Variants in PUM2 observed in about 807,000 individuals in gnomAD.
PUM2 encodes pumilio homolog 2.
PUM2 carries 57 observed loss-of-function variants against 124.5 expected under a neutral mutation model. The observed-to-expected ratio is 0.46, with a 90% CI of 0.37 to 0.57. PUM2 has a LOEUF of 0.57. PUM2 is among the 20% of genes least tolerant of loss of function. The pLI, the probability that PUM2 is intolerant of heterozygous loss-of-function variation, is 0.00. For missense variants in PUM2, 1,065 were observed against 1,290.6 expected (o/e 0.83, Z 2.68); for synonymous variants, 460 against 446.1 (o/e 1.03, Z -0.39).
chr2:20,311,154 GAAAA>G (rs879592312), intron 5 of PUM2, among the ~76,000 whole-genome samples: 2 of 144,746 alleles, frequency 1.4e-5, no homozygotes, highest in Non-Finnish European at 1.5e-5. Context: ...CCCAAGAGGG[GAAAA>G]AAAAAAATCA....
intron 16 of PUM2, 81 bp from the exon 17 acceptor site, chr2:20,256,251 A>G (rs1238414980): frequency 7.8e-7 from 1 of 1,284,866 alleles, no homozygotes; most frequent in Non-Finnish European, 1.0e-6. Flanking sequence ...TTAAAAATTA[A>G]AAATATTAAA....
Position 20,254,858 on chromosome 2 carries a change from A to G in PUM2, c.2870+5T>C, listed in dbSNP as rs769755019. On this transcript the variant is annotated splice_donor_5th_base_variant and intron_variant, in intron 19 of 20. Transcript: ENST00000361078. ...GACCCTTAAAATTACAAAGTATTAC[A>G]ATACCTGGCAAATTTGTGTTGACTC... 25 of 1,612,218 alleles carry G rather than the reference A, an allele frequency of 1.6e-5. No individual in the cohort carries two copies. Among genetic ancestry groups the G allele is most frequent in the Non-Finnish European group, 2.0e-5 (23 of 1,179,346 alleles).
intron 7 of PUM2, among the ~76,000 whole-genome samples, chr2:20,298,222 A>C (rs1676100814): frequency 6.6e-6 from 1 of 152,212 alleles, no homozygotes; most frequent in African/African-American, 2.4e-5. Context: ...AACATCTAAT[A>C]AACTTTGGAA....
chr2:20,344,315 GCCACGGCCT>G (rs1219646108), intron 1 of PUM2, among the ~76,000 whole-genome samples: 14 of 152,294 alleles, frequency 9.2e-5, no homozygotes, highest in Admixed American at 9.2e-4. Context: ...CAGTCCACCT[GCCACGGCCT>G]CCCAAAGCGT....
intron 13 of PUM2, among the ~76,000 whole-genome samples, chr2:20,275,387 A>G (rs1670008723): frequency 6.6e-6 from 1 of 152,098 alleles, no homozygotes; most frequent in Non-Finnish European, 1.5e-5. Flanking sequence ...AAAGGAAAGA[A>G]TCTTGCATTA....
Position 20,312,104 on chromosome 2 carries a change from A to T in PUM2, c.348+132T>A, listed in dbSNP as rs182796163. The stretch of plus-strand genomic sequence containing the variant: ...TTTTCAAGTGGCTAAGCAGAAGAAT[A>T]GCAATAATAGTTACAAAATTTCTCT... On this transcript the variant is annotated intron_variant, in intron 4 of 20. Transcript: ENST00000361078. The T allele has an allele frequency of 1.2e-4, 91 of 772,724 alleles. No individual in the cohort carries two copies. In the East Asian group the frequency reaches 2.4e-3, roughly 21 times the overall value. 47.9% of individuals were successfully genotyped at this position (772,724 alleles called of 1,614,324 possible).
chr2:20,260,555 T>C (rs772789849), intron 14 of PUM2, 89 bp from the exon 15 acceptor site: 14 of 1,161,838 alleles, frequency 1.2e-5, no homozygotes, highest in Non-Finnish European at 1.5e-5. Flanking sequence ...GCACTGCAAG[T>C]TATTTCCATA....
At chr2:20,325,558 T>C (rs928604315) in intron 2 of PUM2, among the ~76,000 whole-genome samples, 1 of 151,402 alleles carries the variant, frequency 6.6e-6, no homozygotes. Flanking sequence ...AAAACATATA[T>C]ACAATATACA....
intron 2 of PUM2, among the ~76,000 whole-genome samples, chr2:20,322,304 T>C (rs921662799): frequency 6.6e-6 from 1 of 152,004 alleles, no homozygotes; most frequent in Non-Finnish European, 1.5e-5. Context: ...AAAACTAAGT[T>C]GTAACAGGGA....
intron 15 of PUM2, among the ~76,000 whole-genome samples, chr2:20,258,858 G>A (rs1207178492): frequency 3.3e-5 from 5 of 150,736 alleles, no homozygotes; most frequent in South Asian, 2.1e-4. Context: ...TAGTAGAGAC[G>A]GGGTTTCACC....
At chr2:20,333,577 A>C (rs778392711) in intron 1 of PUM2, among the ~76,000 whole-genome samples, 1 of 152,160 alleles carries the variant, frequency 6.6e-6, no homozygotes, top group Non-Finnish European at 1.5e-5. Flanking sequence ...TTGTGTAAAG[A>C]AGCAAGAAAA....
chr2:20,315,001 A>G (rs1680530879), intron 3 of PUM2, among the ~76,000 whole-genome samples: 1 of 151,008 alleles, frequency 6.6e-6, no homozygotes, highest in Non-Finnish European at 1.5e-5. Flanking sequence ...CAAAAGTACG[A>G]AAGATGGGCA....
chr2:20,331,830 C>T (rs955563352), intron 1 of PUM2: 2 of 152,136 alleles, frequency 1.3e-5, no homozygotes, highest in Non-Finnish European at 2.9e-5. Flanking sequence ...TCCATTCTTA[C>T]TGTTGGGATA....
chr2:20,264,357 AAAAAAAAAAAATATAT>A (rs1331917548), intron 13 of PUM2, among the ~76,000 whole-genome samples: 11 of 71,204 alleles, frequency 1.5e-4, no homozygotes, highest in African/African-American at 5.7e-4. Context: ...AAAAAAAAAA[AAAAAAAAAAAATATAT>A]ATATATATAT....
chr2:20,337,277 T>A (rs1686322786), intron 1 of PUM2, among the ~76,000 whole-genome samples: 1 of 152,158 alleles, frequency 6.6e-6, no homozygotes, highest in African/African-American at 2.4e-5. Flanking sequence ...CAGTAAGGAA[T>A]TCTATTAGTT....
At chr2:20,328,559 T>C (rs1344117092) in intron 1 of PUM2, among the ~76,000 whole-genome samples, 5 of 152,146 alleles carry the variant, frequency 3.3e-5, no homozygotes, top group Admixed American at 6.5e-5. Context: ...GCAACTACCA[T>C]AGCTGTGTTC....
chr2:20,286,436 A>AT (rs1672764542), intron 10 of PUM2, among the ~76,000 whole-genome samples: 2 of 152,234 alleles, frequency 1.3e-5, no homozygotes, highest in Non-Finnish European at 2.9e-5. Context: ...AAAGATGGAC[A>AT]TCATAATTTA....
chr2:20,340,032 G>A (rs1403007171), intron 1 of PUM2, among the ~76,000 whole-genome samples: 1 of 149,914 alleles, frequency 6.7e-6, no homozygotes, highest in Non-Finnish European at 1.5e-5. Context: ...TTAATTTAAA[G>A]CCAATATATT....
chr2:20,336,774 GTGTGTGTGTGTGTGTGTGTGTGTGTGT>G (rs1686192270), intron 1 of PUM2, among the ~76,000 whole-genome samples: 2 of 133,276 alleles, frequency 1.5e-5, no homozygotes, highest in South Asian at 4.5e-4. Flanking sequence ...GTGTGTGTGT[GTGTGTGTGTGTGTGTGTGTGTGTGTGT>G]GGTACAGACG....
Sources: allele counts gnomAD v4.1 joint callset (sites outside exome capture counted in the v4.1 genomes callset), GRCh38; gene constraint gnomAD v4.1.1; transcripts MANE v1.5; gene names NCBI Gene and HGNC (gene_info 2026-07-23, HGNC 2026-07-21).